The following TAFA4 variants were observed in gnomAD, a reference collection of about 807,000 sequenced individuals.
TAFA4 encodes TAFA chemokine like family member 4, also known as chemokine-like protein TAFA-4.
Under a neutral mutation model 21.1 loss-of-function variants are expected in TAFA4, and 20 were observed. The ratio of observed to expected loss-of-function variants is 0.95; its 90% CI spans 0.67 to 1.38. The LOEUF is 1.38. TAFA4 is among the 40% of genes most tolerant of loss of function. The pLI, the probability that TAFA4 is intolerant of heterozygous loss-of-function variation, is 0.00. For missense variants in TAFA4, 211 were observed against 180.9 expected, an observed-to-expected ratio of 1.17 and a Z score of -0.95; for synonymous variants, 71 against 67.4, an observed-to-expected ratio of 1.05 and a Z score of -0.26.
intron 1 of TAFA4, among the ~76,000 whole-genome samples, chr3:68,906,333 C>A (rs4855537): frequency 0.97 from 147,986 of 152,320 alleles, 72,040 homozygotes; most frequent in Middle Eastern, 1. Context: ...CTGCTTTTTA[C>A]TTTCAATTAT....
chr3:68,740,542 T>C (rs1013969179), intron 4 of TAFA4, among the ~76,000 whole-genome samples: 6 of 152,320 alleles, frequency 3.9e-5, no homozygotes, highest in South Asian at 2.1e-4. Context: ...AATTAGGGTA[T>C]TAATTTTTGG....
At chr3:68,803,475 T>A (rs1286206647) in intron 3 of TAFA4, among the ~76,000 whole-genome samples, 1 of 152,144 alleles carries the variant, frequency 6.6e-6, no homozygotes, top group Non-Finnish European at 1.5e-5. Flanking sequence ...AGGGACATGA[T>A]GAAAGCCATG....
intron 3 of TAFA4, among the ~76,000 whole-genome samples, chr3:68,780,656 C>G (rs754988455): frequency 6.6e-6 from 1 of 152,220 alleles, no homozygotes; most frequent in African/African-American, 2.4e-5. Flanking sequence ...CCACATGGAA[C>G]TGTAAATCTA....
chr3:68,916,632 ATGT>A (rs1284869419), intron 1 of TAFA4, among the ~76,000 whole-genome samples: 1 of 152,206 alleles, frequency 6.6e-6, no homozygotes, highest in Admixed American at 6.5e-5. Flanking sequence ...TGATACAAAA[ATGT>A]TGTTCTTTTT....
chr3:68,770,990 C>T (rs769908695), intron 3 of TAFA4, among the ~76,000 whole-genome samples: 10 of 152,246 alleles, frequency 6.6e-5, no homozygotes, highest in African/African-American at 9.6e-5. Flanking sequence ...CAGCAGACAC[C>T]GGCAGACCAA....
intron 3 of TAFA4, among the ~76,000 whole-genome samples, chr3:68,833,054 C>G (rs1704437756): frequency 6.6e-6 from 1 of 152,244 alleles, no homozygotes. Flanking sequence ...TTGCAAAGAC[C>G]ATGGGAAAAG....
At chr3:68,923,212 C>T (rs1411604065) in intron 1 of TAFA4, among the ~76,000 whole-genome samples, 1 of 152,188 alleles carries the variant, frequency 6.6e-6, no homozygotes, top group Non-Finnish European at 1.5e-5. Flanking sequence ...TTGCTCATCA[C>T]ATCAAGCAGA....
intron 3 of TAFA4, among the ~76,000 whole-genome samples, chr3:68,764,586 T>A (rs994878248): frequency 4.6e-5 from 7 of 152,178 alleles, no homozygotes; most frequent in African/African-American, 1.7e-4. Flanking sequence ...TGTGTGCTTA[T>A]ATATGTAGTA....
Position 68,776,230 on chromosome 3 carries a change from C to T in TAFA4, c.131-23212G>A, listed in dbSNP as rs189056724. Among the ~76,000 whole-genome samples, 118 of 151,832 alleles carry T rather than the reference C, an allele frequency of 7.8e-4. 1 individual carries two copies. Among genetic ancestry groups the T allele is most frequent in the African/African-American group, 2.2e-4 (9 of 41,384 alleles). ...AATAATTCAATTAAAAGGTAGAGACCGTCAGAATAGACAAAAACAAGACCC... is the reference window on the plus strand; with the variant it reads ...AATAATTCAATTAAAAGGTAGAGACTGTCAGAATAGACAAAAACAAGACCC... On this transcript the variant is annotated intron_variant, in intron 3 of 5. Coordinates refer to ENST00000295569, the MANE Select transcript of TAFA4 (RefSeq NM_182522.5).
chr3:68,755,988 T>C (rs1702653223), intron 3 of TAFA4, among the ~76,000 whole-genome samples: 1 of 152,230 alleles, frequency 6.6e-6, no homozygotes, highest in African/African-American at 2.4e-5. Flanking sequence ...TACAGTCTAC[T>C]GCCATTGGTC....
At chr3:68,897,066 C>T (rs970638839) in intron 1 of TAFA4, among the ~76,000 whole-genome samples, 1 of 152,068 alleles carries the variant, frequency 6.6e-6, no homozygotes, top group Non-Finnish European at 1.5e-5. Flanking sequence ...CCATGCCTGG[C>T]TAACTTATGT....
intron 1 of TAFA4, among the ~76,000 whole-genome samples, chr3:68,920,300 C>T (rs1189759983): frequency 6.6e-6 from 1 of 152,178 alleles, no homozygotes; most frequent in Non-Finnish European, 1.5e-5. Context: ...ACACACAAGA[C>T]TGTATATTTA....
intron 4 of TAFA4, among the ~76,000 whole-genome samples, chr3:68,741,365 A>G (rs1471281990): frequency 6.6e-6 from 1 of 152,024 alleles, no homozygotes; most frequent in Non-Finnish European, 1.5e-5. Context: ...AGTGTTTTAT[A>G]TTTTTTGATG....
At chr3:68,930,295 G>A (rs17322) in intron 1 of TAFA4, among the ~76,000 whole-genome samples, 1,969 of 152,212 alleles carry the variant, frequency 0.013, 40 homozygotes, top group African/African-American at 0.045. Context: ...TAATCAAGCA[G>A]AGATATTTGT....
chr3:68,852,741 A>G (rs901213862), intron 3 of TAFA4, among the ~76,000 whole-genome samples: 2 of 152,220 alleles, frequency 1.3e-5, no homozygotes, highest in African/African-American at 2.4e-5. Context: ...ATTGAAATTC[A>G]CTAACAAAGT....
At chr3:68,850,970 T>C (rs1704931649) in intron 3 of TAFA4, among the ~76,000 whole-genome samples, 1 of 152,208 alleles carries the variant, frequency 6.6e-6, no homozygotes, top group South Asian at 2.1e-4. Flanking sequence ...GCCTATGTAC[T>C]GAATGGTACT....
At position 68,895,317 on chromosome 3, in the gene TAFA4, T is replaced by C. The variant is rs567939527; in HGVS notation, c.-122-10007A>G. On this transcript the variant is annotated intron_variant, in intron 1 of 5. Coordinates refer to ENST00000295569, the MANE Select transcript of TAFA4 (RefSeq NM_182522.5). Reference sequence around the variant, plus strand: ...CCAGCCTTAATTTTTGTATTTTCAGTAGAGATGAGGTTTCACCGTGTTGGC... The same window carrying C: ...CCAGCCTTAATTTTTGTATTTTCAGCAGAGATGAGGTTTCACCGTGTTGGC... Among the ~76,000 whole-genome samples the C allele has an allele frequency of 2.0e-5, 3 of 152,140 alleles. No homozygotes were observed. The South Asian group carries it at 6.2e-4, about 32-fold the overall frequency.
intron 1 of TAFA4, among the ~76,000 whole-genome samples, chr3:68,899,469 T>C (rs1035565057): frequency 1.3e-5 from 2 of 152,096 alleles, no homozygotes; most frequent in Non-Finnish European, 2.9e-5. Flanking sequence ...CTTCCATGGT[T>C]TGACATCATT....
intron 4 of TAFA4, among the ~76,000 whole-genome samples, chr3:68,750,001 G>C (rs1306200223): frequency 6.6e-6 from 1 of 152,196 alleles, no homozygotes; most frequent in Non-Finnish European, 1.5e-5. Flanking sequence ...GAACATTTTA[G>C]TAGACAGCAC....
Sources: gnomAD v4.1 joint callset for allele counts (sites outside exome capture counted in the v4.1 genomes callset) on GRCh38, gnomAD v4.1.1 for gene constraint, MANE v1.5 for transcripts, NCBI Gene and HGNC (gene_info 2026-07-23, HGNC 2026-07-21) for gene names.